RBFOX1: variants seen among roughly 807,000 people sequenced by gnomAD.
The protein encoded by RBFOX1 is RNA binding protein fox-1 homolog 1.
Under a neutral mutation model 57.7 loss-of-function variants are expected in RBFOX1, and 8 were observed. That is an observed-to-expected ratio of 0.14 (90% CI 0.08 to 0.25). The LOEUF (loss-of-function observed/expected upper bound fraction) is 0.25, where lower values mean the gene tolerates loss of function less well. RBFOX1 is among the 10% of genes least tolerant of loss of function. The probability of loss-of-function intolerance (pLI) is 1.00; values close to 1 mark genes in which losing one functional copy is unlikely to be tolerated. For synonymous variants in RBFOX1, 326 were observed against 222.4 expected (o/e 1.47, Z -4.15); for missense variants, 611 against 548.5 (o/e 1.11, Z -1.14).
rs921875934 is a variant in RBFOX1, at chr16:7,314,891, T to A, written c.28-203256T>A. 4.0e-4 allele frequency among the ~76,000 whole-genome samples: 61 copies of A among 152,226 alleles called. 1 individual carries two copies. Among genetic ancestry groups the A allele is most frequent in the African/African-American group, 1.4e-3 (60 of 41,458 alleles). On this transcript the variant is annotated intron_variant, in intron 4 of 15. Coordinates refer to ENST00000550418, the MANE Select transcript of RBFOX1 (RefSeq NM_018723.4). ...ACTGAAAAAGAATGCAGCTTCGTTT[T>A]GAATGTTATCGAGGACATTTATTTT...
chr16:6,734,940 G>C (rs1267096928), intron 3 of RBFOX1, among the ~76,000 whole-genome samples: 1 of 152,130 alleles, frequency 6.6e-6, no homozygotes, highest in Non-Finnish European at 1.5e-5. Flanking sequence ...AGGAGTTTAA[G>C]ACTGGCATGG....
intron 3 of RBFOX1, among the ~76,000 whole-genome samples, chr16:6,681,601 A>G (rs1169091266): frequency 6.6e-6 from 1 of 152,116 alleles, no homozygotes; most frequent in East Asian, 1.9e-4. Context: ...CGTTAGTTAA[A>G]GCCGTAAACA....
intron 3 of RBFOX1, among the ~76,000 whole-genome samples, chr16:6,666,931 T>G (rs1177672011): frequency 6.6e-6 from 1 of 152,212 alleles, no homozygotes; most frequent in East Asian, 1.9e-4. Flanking sequence ...AAGCAGTGCC[T>G]CACTTGCCAG....
At chr16:6,714,681 A>G (rs1389659994) in intron 3 of RBFOX1, among the ~76,000 whole-genome samples, 1 of 152,132 alleles carries the variant, frequency 6.6e-6, no homozygotes, top group East Asian at 1.9e-4. Context: ...ATAAAGGTGT[A>G]GGTAAATTGG....
intron 3 of RBFOX1, among the ~76,000 whole-genome samples, chr16:6,920,112 T>C (rs2074134095): frequency 6.6e-6 from 1 of 152,224 alleles, no homozygotes; most frequent in South Asian, 2.1e-4. Flanking sequence ...TAGGCCATTA[T>C]TTTGTTCCAT....
At chr16:6,583,725 G>A (rs969218620) in intron 2 of RBFOX1, among the ~76,000 whole-genome samples, 1 of 152,124 alleles carries the variant, frequency 6.6e-6, no homozygotes, top group Non-Finnish European at 1.5e-5. Flanking sequence ...ACTTTTAATA[G>A]GTCAATTACA....
intron 3 of RBFOX1, among the ~76,000 whole-genome samples, chr16:6,934,942 G>C (rs890267275): frequency 6.6e-6 from 1 of 152,028 alleles, no homozygotes; most frequent in African/African-American, 2.4e-5. Flanking sequence ...AAAAAAATTA[G>C]CTTGGCCTGG....
In RBFOX1 at chr16:5,463,157, G is replaced by A. The variant is rs1056314421; in HGVS notation, c.220-4059G>A. 3.3e-5 allele frequency among the ~76,000 whole-genome samples: 5 copies of A among 152,322 alleles called. No homozygotes were observed. The East Asian group carries it at 9.6e-4, about 29-fold the overall frequency. On this transcript the variant is annotated intron_variant, in intron 1 of 2. Transcript: ENST00000585867. The stretch of plus-strand genomic sequence containing the variant: ...TTGCATCCCTGGTTGTACTTCCAGG[G>A]TTGAGTTTGGAGAGTAGTAGGGAGT...
chr16:5,515,849 C>T (rs752010910), intron 2 of RBFOX1, among the ~76,000 whole-genome samples: 4 of 152,094 alleles, frequency 2.6e-5, no homozygotes, highest in African/African-American at 9.7e-5. Context: ...TTCTGAGGCA[C>T]AGTGCTAGGC....
chr16:6,897,493 G>C (rs949494485), intron 3 of RBFOX1, among the ~76,000 whole-genome samples: 1 of 152,194 alleles, frequency 6.6e-6, no homozygotes, highest in Non-Finnish European at 1.5e-5. Flanking sequence ...TTAAGAAAAT[G>C]GTCAAGTCCA....
Position 7,579,940 on chromosome 16 carries a change from C to G in RBFOX1, c.414+20C>G, listed in dbSNP as rs762873223. 6.2e-7 allele frequency: 1 copy of G among 1,612,674 alleles called. No individual in the cohort carries two copies. Among genetic ancestry groups the G allele is most frequent in the Non-Finnish European group, 8.5e-7 (1 of 1,178,834 alleles). On this transcript the variant is annotated intron_variant, in intron 6 of 15. Transcript: ENST00000550418. ...TTTGGTGTAAGTATCACCTTTCTTC[C>G]CAGCAGTGCCCGCTCTGGGGGTTCC... is the stretch of plus-strand genomic sequence containing the variant.
chr16:5,658,024 G>A (rs371663878), intron 3 of RBFOX1, among the ~76,000 whole-genome samples: 1 of 152,130 alleles, frequency 6.6e-6, no homozygotes, highest in South Asian at 2.1e-4. Flanking sequence ...GAGCCACTGC[G>A]CCCAGCTAAG....
At chr16:6,397,697 G>A (rs1030239603) in intron 2 of RBFOX1, among the ~76,000 whole-genome samples, 2 of 152,150 alleles carry the variant, frequency 1.3e-5, no homozygotes, top group African/African-American at 2.4e-5. Flanking sequence ...TGACATCACT[G>A]TTTTTTGGAG....
intron 2 of RBFOX1, among the ~76,000 whole-genome samples, chr16:5,558,504 C>T (rs1876355): frequency 0.3 from 46,005 of 152,046 alleles, 7,321 homozygotes; most frequent in African/African-American, 0.4. Flanking sequence ...CACTTGTACC[C>T]TGTACAAACT....
At chr16:7,033,680 T>C (rs2043422317) in intron 3 of RBFOX1, among the ~76,000 whole-genome samples, 1 of 152,108 alleles carries the variant, frequency 6.6e-6, no homozygotes. Context: ...GGATGGGGCT[T>C]GGTTCCCTAT....
At chr16:5,535,998 A>T (rs76981137) in intron 2 of RBFOX1, among the ~76,000 whole-genome samples, 1,889 of 152,080 alleles carry the variant, frequency 0.012, 23 homozygotes, top group Middle Eastern at 0.024. Context: ...ACAGCCACAC[A>T]CCGAAATCTT....
At chr16:6,280,846 T>C (rs2076301076) in intron 1 of RBFOX1, among the ~76,000 whole-genome samples, 4 of 151,968 alleles carry the variant, frequency 2.6e-5, no homozygotes, top group Admixed American at 2.6e-4. Context: ...AGAGAGTATG[T>C]GGCTATTTCC....
intron 1 of RBFOX1, among the ~76,000 whole-genome samples, chr16:6,149,598 A>G (rs561974082): frequency 1.3e-5 from 2 of 152,322 alleles, no homozygotes; most frequent in African/African-American, 4.8e-5. Context: ...GATGAGGCAG[A>G]TGCTAGATAT....
intron 4 of RBFOX1, among the ~76,000 whole-genome samples, chr16:7,383,784 A>G (rs1255669664): frequency 6.6e-6 from 1 of 152,128 alleles, no homozygotes; most frequent in East Asian, 1.9e-4. Context: ...TGGCCTGGCG[A>G]GGTGGCTCAA....
Sources: gnomAD v4.1 joint callset for allele counts (sites outside exome capture counted in the v4.1 genomes callset) on GRCh38, gnomAD v4.1.1 for gene constraint, MANE v1.5 for transcripts, NCBI Gene and HGNC (gene_info 2026-07-23, HGNC 2026-07-21) for gene names.